THSD7A: variants seen among roughly 807,000 people sequenced by gnomAD.
THSD7A encodes the protein thrombospondin type-1 domain-containing protein 7A.
Under a neutral mutation model 231.3 loss-of-function variants are expected in THSD7A, and 96 were observed. That is an observed-to-expected ratio of 0.41 (90% CI 0.35 to 0.49). THSD7A has a LOEUF of 0.49. Among genes scored for constraint, THSD7A ranks in the 20% least tolerant of loss-of-function variants. The pLI, the probability that THSD7A is intolerant of heterozygous loss-of-function variation, is 0.05. For synonymous variants in THSD7A, 940 were observed against 743.3 expected, an observed-to-expected ratio of 1.26 and a Z score of -4.30; for missense variants, 2,290 against 2,070.2, an observed-to-expected ratio of 1.11 and a Z score of -2.06.
intron 1 of THSD7A, among the ~76,000 whole-genome samples, chr7:11,815,709 T>A (rs1392647794): frequency 6.6e-6 from 1 of 152,134 alleles, no homozygotes; most frequent in Non-Finnish European, 1.5e-5. Context: ...TGACTTAACA[T>A]TTACAAATAT....
intron 1 of THSD7A, among the ~76,000 whole-genome samples, chr7:11,803,509 G>A (rs1003901474): frequency 6.6e-5 from 10 of 152,118 alleles, no homozygotes; most frequent in Non-Finnish European, 1.5e-5. Context: ...AGAGCTATGA[G>A]ATTGAGAGAG....
chr7:11,722,113 C>A lies in THSD7A; in HGVS notation c.191-85152G>T, dbSNP rs116570040. 6.6e-3 allele frequency among the ~76,000 whole-genome samples: 1,002 copies of A among 151,984 alleles called. 10 individuals carry two copies. The highest frequency in any genetic ancestry group is 0.023 in the African/African-American group (949 of 41,512). On this transcript the variant is annotated intron_variant, in intron 1 of 27. Transcript: ENST00000423059. ...ACCATGTTGTTTCTAGCCTCACAGT[C>A]TGGCTGTCCTTGTTAATACCTGGGC...
At chr7:11,534,398 C>T (rs1443649224) in intron 6 of THSD7A, among the ~76,000 whole-genome samples, 1 of 152,024 alleles carries the variant, frequency 6.6e-6, no homozygotes, top group Non-Finnish European at 1.5e-5. Flanking sequence ...GAAGTTATGC[C>T]AAAAGCCACC....
intron 2 of THSD7A, among the ~76,000 whole-genome samples, chr7:11,601,101 T>C (rs1362079395): frequency 6.6e-6 from 1 of 152,226 alleles, no homozygotes; most frequent in Non-Finnish European, 1.5e-5. Flanking sequence ...GACTGACATC[T>C]TCTGTAATTC....
intron 1 of THSD7A, among the ~76,000 whole-genome samples, chr7:11,759,157 G>C (rs1009692534): frequency 2.0e-5 from 3 of 151,848 alleles, no homozygotes; most frequent in African/African-American, 7.3e-5. Flanking sequence ...GTGAAAGTCA[G>C]TAAAAAAAAC....
rs759266636 is a variant in THSD7A, at chr7:11,376,596, A to G, written c.4863T>C (p.Phe1621=). 5 of 1,586,646 alleles carry G rather than the reference A, an allele frequency of 3.2e-6. No homozygotes were observed. The highest frequency in any genetic ancestry group is 2.6e-6 in the Non-Finnish European group (3 of 1,165,678). ...AAGCTAGATAAATCATGGAGACAAT[A>G]AAGATGAGTAACACAAATGCCCCAG... ...VAAGAFVLLI[F]IVSMIYLACK... The change falls in exon 27 of 28, where the codon TTT becomes TTC. Residue 1621 remains phenylalanine, a synonymous_variant. Coordinates refer to ENST00000423059, the MANE Select transcript of THSD7A (RefSeq NM_015204.3).
intron 1 of THSD7A, among the ~76,000 whole-genome samples, chr7:11,782,322 G>C (rs939571457): frequency 1.3e-5 from 2 of 151,982 alleles, no homozygotes; most frequent in African/African-American, 4.8e-5. Flanking sequence ...CTAATGTTAG[G>C]AATCAATGGG....
At chr7:11,447,094 A>C in intron 12 of THSD7A, 136 bp downstream of exon 12, 2 of 834,948 alleles carry the variant, frequency 2.4e-6, no homozygotes, top group African/African-American at 3.5e-5. Flanking sequence ...TATCACTGCC[A>C]GCTAAATTTA....
intron 16 of THSD7A, among the ~76,000 whole-genome samples, chr7:11,422,598 C>CAAA (rs5882308): frequency 0.02 from 1,964 of 97,824 alleles, 69 homozygotes; most frequent in African/African-American, 0.058. Context: ...ATTTACAAAG[C>CAAA]AAAAAAAAAA....
intron 1 of THSD7A, among the ~76,000 whole-genome samples, chr7:11,773,859 C>A (rs1442694327): frequency 6.6e-6 from 1 of 151,770 alleles, no homozygotes; most frequent in Non-Finnish European, 1.5e-5. Flanking sequence ...CTGTTATTAA[C>A]AATAAGAAAA....
At chr7:11,398,658 C>G (rs773689660) in intron 23 of THSD7A, among the ~76,000 whole-genome samples, 2 of 152,150 alleles carry the variant, frequency 1.3e-5, no homozygotes, top group African/African-American at 4.8e-5. Flanking sequence ...GCATTAGCTA[C>G]GGGGGTCTGT....
At chr7:11,396,798 G>C (rs773342497) in intron 23 of THSD7A, among the ~76,000 whole-genome samples, 1 of 152,082 alleles carries the variant, frequency 6.6e-6, no homozygotes, top group African/African-American at 2.4e-5. Flanking sequence ...CCATCATCCC[G>C]ATACCAAAAC....
chr7:11,679,917 G>A (rs1156367977), intron 1 of THSD7A, among the ~76,000 whole-genome samples: 1 of 152,072 alleles, frequency 6.6e-6, no homozygotes. Flanking sequence ...AAGAAAGCTG[G>A]AGGGATCATA....
intron 17 of THSD7A, among the ~76,000 whole-genome samples, chr7:11,415,984 T>A (rs1050825371): frequency 2.0e-5 from 3 of 152,216 alleles, no homozygotes; most frequent in African/African-American, 7.2e-5. Context: ...GAACCTGTTC[T>A]GGTTTGCGAG....
At chr7:11,695,370 T>A (rs1780355825) in intron 1 of THSD7A, among the ~76,000 whole-genome samples, 1 of 151,476 alleles carries the variant, frequency 6.6e-6, no homozygotes, top group Non-Finnish European at 1.5e-5. Flanking sequence ...CATGCATCAC[T>A]CTCTATGCCA....
At chr7:11,546,202 G>GCGCGCGCACACACACACACACA (rs761841418) in intron 4 of THSD7A, among the ~76,000 whole-genome samples, 55 of 129,362 alleles carry the variant, frequency 4.3e-4, no homozygotes, top group Non-Finnish European at 6.0e-4. Flanking sequence ...GTGGGCGCGC[G>GCGCGCGCACACACACACACACA]CTCACACACA....
In THSD7A at chr7:11,693,306, A is replaced by C. The variant is rs1780290563; in HGVS notation, c.191-56345T>G. ...GAATATTATAATCTAGTAAATTTAC[A>C]CATCTAAGGTACTCTAAAACCAAGT... is the stretch of plus-strand genomic sequence containing the variant. On this transcript the variant is annotated intron_variant, in intron 1 of 27. Coordinates refer to ENST00000423059, the MANE Select transcript of THSD7A (RefSeq NM_015204.3). Among the ~76,000 whole-genome samples, 4 of 151,570 alleles carry C rather than the reference A, an allele frequency of 2.6e-5. No individual in the cohort carries two copies. In the Admixed American group the frequency reaches 2.6e-4, roughly 10 times the overall value.
intron 1 of THSD7A, among the ~76,000 whole-genome samples, chr7:11,699,974 G>A (rs1370932251): frequency 6.6e-6 from 1 of 151,340 alleles, no homozygotes; most frequent in East Asian, 2.0e-4. Context: ...CTTAAAAGCA[G>A]AGTCAGAATC....
intron 1 of THSD7A, among the ~76,000 whole-genome samples, chr7:11,715,121 A>G (rs1417304789): frequency 6.6e-6 from 1 of 151,486 alleles, no homozygotes; most frequent in Non-Finnish European, 1.5e-5. Context: ...AAACAAACAG[A>G]AAGAATAACT....
Sources: allele counts gnomAD v4.1 joint callset (sites outside exome capture counted in the v4.1 genomes callset), GRCh38; gene constraint gnomAD v4.1.1; transcripts MANE v1.5; gene names NCBI Gene and HGNC (gene_info 2026-07-23, HGNC 2026-07-21).